Variants in PRTG observed in about 807,000 individuals in gnomAD.
The protein encoded by PRTG is protogenin.
In PRTG, 67 loss-of-function variants were observed where a neutral mutation model predicts 122.5. That is an observed-to-expected ratio of 0.55 (90% confidence interval 0.45 to 0.67). The LOEUF (loss-of-function observed/expected upper bound fraction) is 0.67. Ranked by LOEUF, PRTG falls within the 30% of genes least tolerant of loss-of-function variation. The pLI is 0.00. For synonymous variants in PRTG, 554 were observed against 501.1 expected (o/e 1.11, Z -1.41); for missense variants, 1,435 against 1,415.4 (o/e 1.01, Z -0.22).
chr15:55,675,346 T>C (rs1459309942), intron 9 of PRTG, among the ~76,000 whole-genome samples, 173 bp downstream of exon 9: 1 of 152,148 alleles, frequency 6.6e-6, no homozygotes, highest in Non-Finnish European at 1.5e-5. Flanking sequence ...CTGAAAGTGC[T>C]CTTTATCCTT....
At position 55,618,577 on chromosome 15, in the gene PRTG, C is replaced by T. The variant is rs2059150627; in HGVS notation, c.*1435G>A. Reference sequence around the variant, plus strand: ...AAACAATTTGCTGATTTCAAACCTGCAAGAGGATTAACTCACTCCTGGAGT... The same window carrying T: ...AAACAATTTGCTGATTTCAAACCTGTAAGAGGATTAACTCACTCCTGGAGT... On this transcript the variant is annotated 3_prime_UTR_variant, in exon 20 of 20. Coordinates refer to ENST00000389286, the MANE Select transcript of PRTG (RefSeq NM_173814.6). 6.6e-6 allele frequency: 1 copy of T among 152,178 alleles called. No individual in the cohort carries two copies. The highest frequency in any genetic ancestry group is 6.5e-5 in the Admixed American group (1 of 15,274). The allele number at this position is 152,178 out of a possible 1,614,324, so 9.4% of individuals were successfully genotyped here.
chr15:55,698,879 G>A (rs72750515), intron 2 of PRTG, among the ~76,000 whole-genome samples: 11,216 of 151,960 alleles, frequency 0.074, 688 homozygotes, highest in Admixed American at 0.17. Flanking sequence ...GAGAGAGTGC[G>A]GGGGTGGGGG....
chr15:55,725,124 C>T (rs2030977632), intron 2 of PRTG, among the ~76,000 whole-genome samples: 1 of 152,092 alleles, frequency 6.6e-6, no homozygotes, highest in Admixed American at 6.6e-5. Flanking sequence ...ACTATCTATA[C>T]AAAACATATG....
At chr15:55,644,318 C>T (rs2059308631) in intron 11 of PRTG, among the ~76,000 whole-genome samples, 1 of 152,100 alleles carries the variant, frequency 6.6e-6, no homozygotes, top group African/African-American at 2.4e-5. Flanking sequence ...AGCTATTTCA[C>T]AGAGAAAGCT....
Position 55,722,065 on chromosome 15 carries a change from G to C in PRTG, c.397+18317C>G, listed in dbSNP as rs944210095. 1.3e-5 allele frequency among the ~76,000 whole-genome samples: 2 copies of C among 152,292 alleles called. 1 individual carries two copies. The highest frequency in any genetic ancestry group is 6.8e-3 in the Middle Eastern group (2 of 294). ...GCATGGAGAAGTATTTAGAGGTGAA[G>C]TGTCTGCAACTTACTTTTTTCAAGA... is the stretch of plus-strand genomic sequence containing the variant. On this transcript the variant is annotated intron_variant, in intron 2 of 19. Transcript: ENST00000389286.
chr15:55,705,312 CT>C (rs757530478), intron 2 of PRTG, among the ~76,000 whole-genome samples: 1 of 152,146 alleles, frequency 6.6e-6, no homozygotes, highest in Non-Finnish European at 1.5e-5. Context: ...AGGTAATGTC[CT>C]TTTCTCCAAT....
intron 11 of PRTG, among the ~76,000 whole-genome samples, chr15:55,672,005 T>G (rs1303387706): frequency 6.6e-6 from 1 of 152,214 alleles, no homozygotes; most frequent in Non-Finnish European, 1.5e-5. Context: ...GGGTCATATG[T>G]AAGGGCATTA....
intron 18 of PRTG, 99 bp from the exon 19 acceptor site, chr15:55,620,866 A>G: frequency 1.0e-6 from 1 of 995,822 alleles, no homozygotes; most frequent in South Asian, 1.5e-5. Flanking sequence ...TATGCTTCAC[A>G]TTTCCCTTTT....
At chr15:55,641,740 T>C (rs1733157346) in intron 11 of PRTG, among the ~76,000 whole-genome samples, 1 of 152,212 alleles carries the variant, frequency 6.6e-6, no homozygotes, top group African/African-American at 2.4e-5. Context: ...TTTAAATGTG[T>C]CCTTTCTACA....
At chr15:55,645,954 T>C (rs1447436031) in intron 11 of PRTG, among the ~76,000 whole-genome samples, 1 of 152,154 alleles carries the variant, frequency 6.6e-6, no homozygotes, top group Non-Finnish European at 1.5e-5. Flanking sequence ...TTGGTTCTAG[T>C]TTGTTCAAAA....
chr15:55,695,269 A>C (rs1294176865), intron 2 of PRTG, among the ~76,000 whole-genome samples: 1 of 152,242 alleles, frequency 6.6e-6, no homozygotes, highest in Non-Finnish European at 1.5e-5. Flanking sequence ...GCATGCTTCT[A>C]AAAGGTTGCA....
chr15:55,707,725 A>G (rs905228817), intron 2 of PRTG, among the ~76,000 whole-genome samples: 1 of 152,228 alleles, frequency 6.6e-6, no homozygotes, highest in Non-Finnish European at 1.5e-5. Context: ...CAGAGAGGTT[A>G]ACTGATAGAA....
chr15:55,644,767 G>C (rs905883736), intron 11 of PRTG, among the ~76,000 whole-genome samples: 2 of 151,954 alleles, frequency 1.3e-5, no homozygotes, highest in African/African-American at 4.8e-5. Flanking sequence ...AAATAGAAAA[G>C]TTTAAAATAC....
chr15:55,632,524 G>C (rs1265982973), intron 15 of PRTG, among the ~76,000 whole-genome samples: 23 of 152,054 alleles, frequency 1.5e-4, no homozygotes, highest in Non-Finnish European at 2.9e-5. Context: ...CATGAAATCT[G>C]GTCTACATCT....
chr15:55,729,634 T>C (rs1348535287), intron 2 of PRTG, among the ~76,000 whole-genome samples: 1 of 151,944 alleles, frequency 6.6e-6, no homozygotes, highest in Non-Finnish European at 1.5e-5. Flanking sequence ...TATATGTATA[T>C]CTAAAAGGGT....
At position 55,742,894 on chromosome 15, in the gene PRTG, G is replaced by T. The variant is rs1325435088; in HGVS notation, c.38C>A (p.Pro13Gln). The change falls in exon 1 of 20, where the codon CCG becomes CAG. Residue 13 changes from proline (P) to glutamine (Q), a missense_variant. Physicochemically the swap from Pro to Gln is moderately conservative, Grantham distance 76. Transcript: ENST00000389286. ...GAGCGCGCGGAGCAGCATCCCCGGC[G>T]GTCGCAGCCGGGCGAGGGGTCGCAG... ...PPLRPLARLR[P>Q]PGMLLRALLL... is the part of the protein sequence containing the mutation. 2 of 1,530,790 alleles carry T rather than the reference G, an allele frequency of 1.3e-6. No homozygotes were observed. Among genetic ancestry groups the T allele is most frequent in the South Asian group, 1.2e-5 (1 of 83,114 alleles). The allele number at this position is 1,530,790 out of a possible 1,614,324, so 94.8% of individuals were successfully genotyped here.
rs2059262017 is a variant in PRTG at position 55,637,165 on chromosome 15, T to G, written c.2623+5A>C. 1 of 1,534,112 alleles carries G rather than the reference T, an allele frequency of 6.5e-7. No homozygotes were observed. The highest frequency in any genetic ancestry group is 8.8e-7 in the Non-Finnish European group (1 of 1,138,054). On this transcript the variant is annotated splice_donor_5th_base_variant and intron_variant, in intron 15 of 19. Transcript: ENST00000389286. ...TCACCCTTCATGGCAATTTATGATA[T>G]TTACCTTCACGGTGTAAGACCTGCC... is the stretch of plus-strand genomic sequence containing the variant.
At chr15:55,742,687 C>G in intron 1 of PRTG, 151 bp downstream of exon 1, 1 of 934,824 alleles carries the variant, frequency 1.1e-6, no homozygotes. Flanking sequence ...TCCGGACAGG[C>G]CGCAGGGCGA....
At chr15:55,623,531 A>G (rs919734944) in intron 18 of PRTG, among the ~76,000 whole-genome samples, 1 of 152,072 alleles carries the variant, frequency 6.6e-6, no homozygotes, top group African/African-American at 2.4e-5. Flanking sequence ...GTACCACTGC[A>G]CTCCAGCCTG....
Sources: allele counts gnomAD v4.1 joint callset (sites outside exome capture counted in the v4.1 genomes callset), GRCh38; gene constraint gnomAD v4.1.1; transcripts MANE v1.5; gene names NCBI Gene and HGNC (gene_info 2026-07-23, HGNC 2026-07-21).